PRKD1: variants seen among roughly 807,000 people sequenced by gnomAD.
PRKD1 encodes the protein serine/threonine-protein kinase D1.
A neutral mutation model predicts 95.9 loss-of-function variants in PRKD1; 63 were observed. The ratio of observed to expected loss-of-function variants is 0.66; its 90% CI spans 0.54 to 0.81. The LOEUF (loss-of-function observed/expected upper bound fraction) is 0.81. Among genes scored for constraint, PRKD1 ranks in the 30% least tolerant of loss-of-function variants. The pLI, the probability that PRKD1 is intolerant of heterozygous loss-of-function variation, is 0.00. For missense variants in PRKD1, 1,048 were observed against 1,165.3 expected, an observed-to-expected ratio of 0.90 and a Z score of 1.47; for synonymous variants, 425 against 423.1, an observed-to-expected ratio of 1.00 and a Z score of -0.05.
chr14:29,723,833 C>T (rs548318472), intron 2 of PRKD1, among the ~76,000 whole-genome samples: 1 of 152,160 alleles, frequency 6.6e-6, no homozygotes, highest in South Asian at 2.1e-4. Context: ...GTAAGGGAGC[C>T]CTTCTGGAGT....
intron 1 of PRKD1, among the ~76,000 whole-genome samples, chr14:29,912,584 A>T (rs1894754302): frequency 6.6e-6 from 1 of 152,250 alleles, no homozygotes; most frequent in Non-Finnish European, 1.5e-5. Context: ...CATCTTAAGC[A>T]AATATGCGCT....
chr14:29,724,290 A>G (rs1886039833), intron 2 of PRKD1, among the ~76,000 whole-genome samples: 1 of 152,198 alleles, frequency 6.6e-6, no homozygotes. Context: ...GACTCATAAA[A>G]CATTACATTA....
chr14:29,768,611 C>T (rs1007505898), intron 1 of PRKD1, among the ~76,000 whole-genome samples: 1 of 151,882 alleles, frequency 6.6e-6, no homozygotes, highest in South Asian at 2.1e-4. Context: ...AACTGAACTA[C>T]TTCATTGCCT....
At chr14:29,871,708 T>C (rs1216688402) in intron 1 of PRKD1, among the ~76,000 whole-genome samples, 3 of 152,184 alleles carry the variant, frequency 2.0e-5, no homozygotes, top group Non-Finnish European at 4.4e-5. Flanking sequence ...AAAGAGCAGT[T>C]GTAGGCCCAT....
intron 2 of PRKD1, among the ~76,000 whole-genome samples, chr14:29,696,971 G>A (rs923654487): frequency 7.2e-5 from 11 of 152,008 alleles, no homozygotes; most frequent in African/African-American, 1.2e-4. Flanking sequence ...ATGGGATGCC[G>A]TGCTTGAGCG....
At chr14:29,848,439 C>G (rs547240050) in intron 1 of PRKD1, among the ~76,000 whole-genome samples, 1 of 152,120 alleles carries the variant, frequency 6.6e-6, no homozygotes, top group South Asian at 2.1e-4. Flanking sequence ...CTAAAACATT[C>G]AAAAGCAACT....
intron 2 of PRKD1, among the ~76,000 whole-genome samples, chr14:29,676,176 C>CTTTTTTTTTTTTTTTTTTTT (rs1566532166): frequency 1.6e-5 from 1 of 62,244 alleles, no homozygotes; most frequent in African/African-American, 9.3e-5. Context: ...TAGTTCATTA[C>CTTTTTTTTTTTTTTTTTTTT]GTTTTTGTTT....
intron 13 of PRKD1, among the ~76,000 whole-genome samples, chr14:29,600,735 A>T (rs999671374): frequency 3.9e-5 from 6 of 152,172 alleles, no homozygotes; most frequent in African/African-American, 1.4e-4. Context: ...TAAAGTAATG[A>T]CTAGTAATGG....
chr14:29,741,206 T>C (rs1020880631), intron 1 of PRKD1, among the ~76,000 whole-genome samples: 23 of 152,260 alleles, frequency 1.5e-4, no homozygotes, highest in African/African-American at 5.5e-4. Flanking sequence ...CAACAAACTT[T>C]CATAACACAA....
intron 12 of PRKD1, among the ~76,000 whole-genome samples, chr14:29,626,136 G>A (rs761012554): frequency 6.6e-5 from 10 of 151,974 alleles, no homozygotes; most frequent in African/African-American, 1.2e-4. Context: ...GATCAAGTAC[G>A]CCAAAAGAAA....
At chr14:29,634,867 A>C (rs1211781513) in intron 7 of PRKD1, among the ~76,000 whole-genome samples, 2 of 152,038 alleles carry the variant, frequency 1.3e-5, no homozygotes, top group African/African-American at 4.8e-5. Context: ...CCCCGTCTCT[A>C]CTAAAAGTAC....
At chr14:29,624,954 T>C (rs1407200076) in intron 12 of PRKD1, among the ~76,000 whole-genome samples, 2 of 152,064 alleles carry the variant, frequency 1.3e-5, no homozygotes, top group Non-Finnish European at 2.9e-5. Flanking sequence ...TTGTGGTAGG[T>C]ACAAAAATGT....
At chr14:29,850,790 A>G (rs774031293) in intron 1 of PRKD1, among the ~76,000 whole-genome samples, 9 of 152,064 alleles carry the variant, frequency 5.9e-5, no homozygotes, top group Non-Finnish European at 1.3e-4. Context: ...AGCAAAAAGA[A>G]CAAAGCCAAG....
At chr14:29,811,353 C>T (rs1210567080) in intron 1 of PRKD1, among the ~76,000 whole-genome samples, 1 of 152,172 alleles carries the variant, frequency 6.6e-6, no homozygotes, top group Non-Finnish European at 1.5e-5. Context: ...CTTCCAGCTG[C>T]CAGAGCAATG....
At chr14:29,681,950 C>G (rs573660999) in intron 2 of PRKD1, among the ~76,000 whole-genome samples, 256 of 152,232 alleles carry the variant, frequency 1.7e-3, no homozygotes, top group Admixed American at 4.3e-3. Context: ...GTTAAGCTTT[C>G]AAAATTGCTG....
intron 2 of PRKD1, among the ~76,000 whole-genome samples, chr14:29,712,402 T>A (rs1885376828): frequency 6.6e-6 from 1 of 152,088 alleles, no homozygotes; most frequent in Admixed American, 6.6e-5. Context: ...AAAAATAGAA[T>A]AAGATGAGAC....
intron 4 of PRKD1, among the ~76,000 whole-genome samples, chr14:29,648,104 T>C (rs1881248309): frequency 6.6e-6 from 1 of 152,232 alleles, no homozygotes; most frequent in Non-Finnish European, 1.5e-5. Flanking sequence ...GGTTAATTAA[T>C]GTCTTACAGT....
chr14:29,918,339 A>G (rs1008888373), intron 1 of PRKD1, among the ~76,000 whole-genome samples: 8 of 152,202 alleles, frequency 5.3e-5, no homozygotes, highest in African/African-American at 1.7e-4. Context: ...TCAAACAGTC[A>G]GAACTATGAA....
chr14:29,741,721 C>T (rs1566573838), intron 1 of PRKD1, among the ~76,000 whole-genome samples: 1 of 151,936 alleles, frequency 6.6e-6, no homozygotes, highest in African/African-American at 2.4e-5. Context: ...CTACCTAAGT[C>T]CTAAAAACTA....
Sources: allele counts gnomAD v4.1 joint callset (sites outside exome capture counted in the v4.1 genomes callset), GRCh38; gene constraint gnomAD v4.1.1; transcripts MANE v1.5; gene names NCBI Gene and HGNC (gene_info 2026-07-23, HGNC 2026-07-21).